Variants in ESD observed in about 807,000 individuals in gnomAD.
The protein encoded by ESD is S-formylglutathione hydrolase.
Under a neutral mutation model 38.1 loss-of-function variants are expected in ESD, and 34 were observed. That is an observed-to-expected ratio of 0.89 (90% CI 0.68 to 1.19). The LOEUF (loss-of-function observed/expected upper bound fraction) is 1.19, where lower values mean the gene tolerates loss of function less well. Among genes scored for constraint, ESD ranks in the 50% most tolerant of loss-of-function variants. ESD has a pLI of 0.00. For missense variants in ESD, 334 were observed against 327.2 expected (o/e 1.02, Z -0.16); for synonymous variants, 97 against 107.0 (o/e 0.91, Z 0.58).
rs191548290 is a variant in ESD at position 46,788,466 on chromosome 13, G to A, written c.69-1357C>T. 2.6e-3 allele frequency among the ~76,000 whole-genome samples: 402 copies of A among 152,000 alleles called. 4 individuals are homozygous for A. Among genetic ancestry groups the A allele is most frequent in the African/African-American group, 9.1e-3 (378 of 41,484 alleles). On this transcript the variant is annotated intron_variant, in intron 3 of 9. Transcript: ENST00000378720. The stretch of plus-strand genomic sequence containing the variant: ...ATGCAGGGATATCTGTTATCAATAC[G>A]TAAAATCAAGAGAACATAATCTTGT...
chr13:46,778,694 T>C (rs7982887), intron 8 of ESD, among the ~76,000 whole-genome samples: 3,131 of 151,846 alleles, frequency 0.021, 108 homozygotes, highest in African/African-American at 0.07. Flanking sequence ...GAACCTAGCA[T>C]AGACTTTGCA....
chr13:46,794,195 A>C (rs1875498383), intron 1 of ESD, among the ~76,000 whole-genome samples: 1 of 152,152 alleles, frequency 6.6e-6, no homozygotes, highest in Admixed American at 6.5e-5. Context: ...CAAAAACAGA[A>C]AAACAATTTC....
Position 46,777,619 on chromosome 13 carries a change from T to C in ESD, c.605A>G (p.Tyr202Cys), listed in dbSNP as rs1566277964. Reference sequence around the variant, plus strand: ...GGATTTCACAAGGTGGGTAGCATCATAAGCCTGTAAAAAGAGAAGTAACAT... The same window carrying C: ...GGATTTCACAAGGTGGGTAGCATCACAAGCCTGTAAAAAGAGAAGTAACAT... ...LGTDQSKWKA[Y>C]DATHLVKSYP... is the part of the protein sequence containing the mutation. Residue 202 changes from tyrosine (Y) to cysteine (C), a missense_variant, in exon 9 of 10, where the codon TAT (tyrosine) becomes TGT (cysteine). Physicochemically the swap from Tyr to Cys is radical, Grantham distance 194 (BLOSUM62 -2). Coordinates refer to ENST00000378720, the MANE Select transcript of ESD (RefSeq NM_001984.2). The C allele has an allele frequency of 3.8e-6, 6 of 1,598,218 alleles. No homozygotes were observed. In the South Asian group the frequency reaches 4.5e-5, roughly 12 times the overall value.
At chr13:46,790,965 G>T (rs1216962) in intron 3 of ESD, among the ~76,000 whole-genome samples, 119 of 152,294 alleles carry the variant, frequency 7.8e-4, no homozygotes, top group African/African-American at 2.8e-3. Flanking sequence ...GTTAGTCAGA[G>T]TTTTGGAGGC....
chr13:46,787,007 T>C lies in ESD; in HGVS notation c.157+14A>G, dbSNP rs551980854. 6.8e-5 allele frequency: 96 copies of C among 1,418,570 alleles called. 2 individuals carry two copies. In the South Asian group the frequency reaches 1.6e-3, roughly 23 times the overall value. 87.9% of individuals were successfully genotyped at this position (1,418,570 alleles called of 1,614,324 possible). A position where few individuals can be genotyped will look rare whatever the true frequency, so the allele number is the denominator to read the frequency against. ...TAGAAACGACTTTATAAAACTCAAA[T>C]GCATAATACTTACCTGAGAGCCAAT... On this transcript the variant is annotated intron_variant, in intron 4 of 9. Coordinates refer to ENST00000378720, the MANE Select transcript of ESD (RefSeq NM_001984.2).
intron 9 of ESD, among the ~76,000 whole-genome samples, chr13:46,773,379 T>C (rs1874681075): frequency 6.6e-6 from 1 of 152,176 alleles, no homozygotes; most frequent in South Asian, 2.1e-4. Context: ...TTTCTAAGGG[T>C]ATCAAACACC....
Position 46,779,607 on chromosome 13 carries a change from G to C in ESD, c.600+328C>G, listed in dbSNP as rs796999840. Among the ~76,000 whole-genome samples, 8 of 149,206 alleles carry C rather than the reference G, an allele frequency of 5.4e-5. 1 individual carries two copies. The highest frequency in any genetic ancestry group is 2.0e-4 in the African/African-American group (8 of 40,876). ...TTAATTTAGAAGTGATGTTAATTTA[G>C]AAATAAAAATATAAATTAACCATTA... On this transcript the variant is annotated intron_variant, in intron 8 of 9. Transcript: ENST00000378720.
intron 9 of ESD, among the ~76,000 whole-genome samples, chr13:46,775,162 G>C (rs1186794913): frequency 2.0e-5 from 3 of 151,482 alleles, no homozygotes; most frequent in Non-Finnish European, 4.4e-5. Context: ...CTAGATATCA[G>C]AATTCTGCTA....
intron 8 of ESD, among the ~76,000 whole-genome samples, chr13:46,779,728 AAT>A (rs910907878): frequency 7.5e-5 from 11 of 146,050 alleles, no homozygotes; most frequent in African/African-American, 2.7e-4. Flanking sequence ...TATATAAAAT[AAT>A]ATATATAATA....
intron 1 of ESD, among the ~76,000 whole-genome samples, chr13:46,796,189 G>A (rs1339379961): frequency 6.6e-6 from 1 of 151,962 alleles, no homozygotes; most frequent in African/African-American, 2.4e-5. Flanking sequence ...TGTTGCTATC[G>A]GGTGGCTTTA....
intron 6 of ESD, 107 bp downstream of exon 6, chr13:46,782,560 G>T: frequency 7.9e-7 from 1 of 1,260,624 alleles, no homozygotes; most frequent in Non-Finnish European, 1.1e-6. Flanking sequence ...ATTTTTACTA[G>T]TAACTTTTAT....
intron 9 of ESD, chr13:46,776,954 A>G (rs1363961841): frequency 6.6e-6 from 1 of 152,096 alleles, no homozygotes; most frequent in African/African-American, 2.4e-5. Flanking sequence ...TTGCAAGCCC[A>G]TTGGGATTCA....
intron 9 of ESD, chr13:46,775,238 A>G (rs1366453364): frequency 6.6e-6 from 1 of 152,024 alleles, no homozygotes; most frequent in Non-Finnish European, 1.5e-5. Context: ...ATTATATAAA[A>G]TAATAACCAA....
intron 5 of ESD, among the ~76,000 whole-genome samples, chr13:46,783,026 G>A (rs998934447): frequency 3.3e-5 from 5 of 151,950 alleles, no homozygotes; most frequent in Admixed American, 3.3e-4. Flanking sequence ...CCAAGCTGGA[G>A]TATTCAGCTG....
chr13:46,784,133 G>C (rs1875106281), intron 5 of ESD, 119 bp downstream of exon 5: 2 of 744,746 alleles, frequency 2.7e-6, no homozygotes, highest in East Asian at 5.6e-5. Flanking sequence ...CACTTGAAAG[G>C]TTAATAGAGA....
intron 6 of ESD, 85 bp from the exon 7 acceptor site, chr13:46,781,700 C>T (rs927429490): frequency 8.3e-7 from 1 of 1,210,940 alleles, no homozygotes; most frequent in African/African-American, 1.5e-5. Context: ...ATTACACAAT[C>T]AATACTGCCA....
At chr13:46,786,541 C>T (rs1246099035) in intron 4 of ESD, among the ~76,000 whole-genome samples, 1 of 151,960 alleles carries the variant, frequency 6.6e-6, no homozygotes, top group Non-Finnish European at 1.5e-5. Flanking sequence ...GAAGCCTTAG[C>T]GTTCTTTTGT....
At chr13:46,772,428 CTTCT>C (rs1390382466) in intron 9 of ESD, among the ~76,000 whole-genome samples, 1 of 152,106 alleles carries the variant, frequency 6.6e-6, no homozygotes, top group Non-Finnish European at 1.5e-5. Context: ...ACGCATTTTC[CTTCT>C]TTTTTTGTTG....
chr13:46,794,719 A>T (rs1233911285), intron 1 of ESD, among the ~76,000 whole-genome samples: 1 of 152,062 alleles, frequency 6.6e-6, no homozygotes, highest in African/African-American at 2.4e-5. Context: ...TTAACAACCT[A>T]GACAGGTGTT....
Sources: gnomAD v4.1 joint callset for allele counts (sites outside exome capture counted in the v4.1 genomes callset) on GRCh38, gnomAD v4.1.1 for gene constraint, MANE v1.5 for transcripts, NCBI Gene and HGNC (gene_info 2026-07-23, HGNC 2026-07-21) for gene names.